The following SMARCA2 variants were observed in gnomAD, a reference collection of about 807,000 sequenced individuals.
SMARCA2 encodes SWI/SNF related BAF chromatin remodeling complex subunit ATPase 2.
In SMARCA2, 61 loss-of-function variants were observed where a neutral mutation model predicts 199.8. The observed-to-expected ratio is 0.31, with a 90% confidence interval of 0.25 to 0.38. The LOEUF (loss-of-function observed/expected upper bound fraction) is 0.38. Ranked by LOEUF, SMARCA2 falls within the 10% of genes least tolerant of loss-of-function variation. The probability of loss-of-function intolerance (pLI) is 1.00; values close to 1 mark genes in which losing one functional copy is unlikely to be tolerated. For missense variants in SMARCA2, 1,344 were observed against 2,012.2 expected, an observed-to-expected ratio of 0.67 and a Z score of 6.35; for synonymous variants, 935 against 732.0, an observed-to-expected ratio of 1.28 and a Z score of -4.48.
chr9:2,073,425 C>T (rs1010836493), intron 11 of SMARCA2, 83 bp downstream of exon 11: 3 of 1,564,300 alleles, frequency 1.9e-6, no homozygotes, highest in East Asian at 2.3e-5. Flanking sequence ...ACTAAAACTA[C>T]ACAGCCTTTG....
Position 2,171,599 on chromosome 9 carries a change from C to T in SMARCA2, c.4253+1127C>T, listed in dbSNP as rs1018849675. 4.6e-5 allele frequency among the ~76,000 whole-genome samples: 7 copies of T among 152,270 alleles called. No homozygotes were observed. In the South Asian group the frequency reaches 8.3e-4, roughly 18 times the overall value. On this transcript the variant is annotated intron_variant, in intron 29 of 33. Transcript: ENST00000349721. ...ATAAACTATAATGTCCATTGAGAAA[C>T]GTCAGGAATTTTGTTCTGTATTTGC...
intron 29 of SMARCA2, among the ~76,000 whole-genome samples, chr9:2,176,182 G>GTTTTTTTTTTGTTTGTTTTTTTTTTT (rs1554642561): frequency 9.6e-6 from 1 of 104,160 alleles, no homozygotes; most frequent in African/African-American, 3.7e-5. Flanking sequence ...CGCCCGGCCT[G>GTTTTTTTTTTGTTTGTTTTTTTTTTT]TTTTTTTTTT....
At chr9:2,069,263 T>C (rs1032821652) in intron 9 of SMARCA2, among the ~76,000 whole-genome samples, 4 of 151,494 alleles carry the variant, frequency 2.6e-5, no homozygotes, top group Non-Finnish European at 5.9e-5. Context: ...TTGAGGCACA[T>C]AGAAGTTAAT....
chr9:2,068,918 C>T (rs992623527), intron 9 of SMARCA2: 4 of 151,370 alleles, frequency 2.6e-5, no homozygotes, highest in African/African-American at 9.7e-5. Context: ...ATGACATAAC[C>T]TTTTGTTTTT....
At chr9:2,116,098 C>G in intron 25 of SMARCA2, 49 bp downstream of exon 25, 1 of 1,342,938 alleles carries the variant, frequency 7.4e-7, no homozygotes. Context: ...GGCCTTTTGT[C>G]TCTGAAGGAC....
At chr9:2,172,589 A>C (rs1826314875) in intron 29 of SMARCA2, among the ~76,000 whole-genome samples, 1 of 152,086 alleles carries the variant, frequency 6.6e-6, no homozygotes, top group East Asian at 1.9e-4. Context: ...GAGGCTGGAG[A>C]AGCCTGAGAA....
chr9:2,033,344 A>G (rs886301733), intron 3 of SMARCA2, among the ~76,000 whole-genome samples: 9 of 152,332 alleles, frequency 5.9e-5, no homozygotes, highest in Non-Finnish European at 1.3e-4. Flanking sequence ...TACTTTATCT[A>G]GAATCTTTAT....
At chr9:2,128,166 G>A (rs925908860) in intron 27 of SMARCA2, among the ~76,000 whole-genome samples, 7 of 152,174 alleles carry the variant, frequency 4.6e-5, no homozygotes, top group Non-Finnish European at 1.0e-4. Flanking sequence ...GGATAAAGAC[G>A]TGGTGTTTAA....
chr9:2,179,508 T>C (rs1205560822), intron 29 of SMARCA2, among the ~76,000 whole-genome samples: 1 of 152,226 alleles, frequency 6.6e-6, no homozygotes, highest in East Asian at 1.9e-4. Context: ...AGCTCTCTTC[T>C]TTATGAGCAT....
chr9:2,079,923 T>A (rs777210639), intron 14 of SMARCA2: 1 of 152,286 alleles, frequency 6.6e-6, no homozygotes, highest in Non-Finnish European at 1.5e-5. Flanking sequence ...GACTTCCATA[T>A]GTGAGTTTTA....
At chr9:2,067,573 C>T (rs1274894845) in intron 9 of SMARCA2, among the ~76,000 whole-genome samples, 1 of 152,176 alleles carries the variant, frequency 6.6e-6, no homozygotes, top group Non-Finnish European at 1.5e-5. Flanking sequence ...CCCAGTCCTG[C>T]AGAAGCCCTA....
At chr9:2,177,623 G>C (rs776828987) in intron 29 of SMARCA2, among the ~76,000 whole-genome samples, 1 of 152,000 alleles carries the variant, frequency 6.6e-6, no homozygotes, top group Non-Finnish European at 1.5e-5. Flanking sequence ...CGCGATCTCA[G>C]CTCACCACAA....
At chr9:2,181,808 T>C in intron 30 of SMARCA2, 132 bp downstream of exon 30, 1 of 631,680 alleles carries the variant, frequency 1.6e-6, no homozygotes, top group South Asian at 1.9e-5. Context: ...GGTTGGGATG[T>C]CCTTGTGCTT....
intron 1 of SMARCA2, among the ~76,000 whole-genome samples, chr9:2,023,107 C>T (rs927038718): frequency 3.9e-5 from 6 of 152,150 alleles, no homozygotes; most frequent in Non-Finnish European, 8.8e-5. Context: ...CTGGTAGACT[C>T]TTTTGAGATG....
In SMARCA2 at chr9:2,191,491, C is replaced by A. The variant is rs1827881634; in HGVS notation, c.4737+83C>A. The A allele has an allele frequency of 1.7e-5, 25 of 1,459,646 alleles. 1 individual carries two copies. In the South Asian group the frequency reaches 3.0e-4, roughly 18 times the overall value. The allele number at this position is 1,459,646 out of a possible 1,614,324, so 90.4% of individuals were successfully genotyped here. ...TCTTGCATTTCCATGCCCCTTCAGC[C>A]TTTTCGCTTTATTACCCAGGACTGG... On this transcript the variant is annotated intron_variant, in intron 33 of 33. Transcript: ENST00000349721.
At position 2,047,635 on chromosome 9, in the gene SMARCA2, C is replaced by T. The variant is rs10964549; in HGVS notation, c.1046+151C>T. ...CTTTCATCCACTCCTGGGGCCTTCC[C>T]GGTGCTGAGGGGAGGCACCGGGGTT... On this transcript the variant is annotated intron_variant, in intron 5 of 33. Coordinates refer to ENST00000349721, the MANE Select transcript of SMARCA2 (RefSeq NM_003070.5). 4.8e-3 allele frequency: 4,625 copies of T among 972,462 alleles called. 16 individuals are homozygous for T. The highest frequency in any genetic ancestry group is 5.4e-3 in the Non-Finnish European group (4,090 of 751,302). The allele number at this position is 972,462 out of a possible 1,614,324, so 60.2% of individuals were successfully genotyped here. A position where few individuals can be genotyped will look rare whatever the true frequency, so the allele number is the denominator to read the frequency against.
chr9:2,029,273 C>T (rs764320616), intron 2 of SMARCA2, 26 bp downstream of exon 2: 1 of 1,590,840 alleles, frequency 6.3e-7, no homozygotes, highest in African/African-American at 1.3e-5. Flanking sequence ...CCCATTCAAA[C>T]TCAACTTCTG....
intron 9 of SMARCA2, among the ~76,000 whole-genome samples, chr9:2,062,084 G>A (rs1820618708): frequency 1.3e-5 from 2 of 152,148 alleles, no homozygotes; most frequent in South Asian, 4.1e-4. Flanking sequence ...CAGAGTTAGT[G>A]AGGAACATAT....
chr9:2,069,482 A>C (rs375304109), intron 9 of SMARCA2, among the ~76,000 whole-genome samples: 115 of 151,112 alleles, frequency 7.6e-4, no homozygotes, highest in South Asian at 2.5e-3. Flanking sequence ...TGGCGTGAAC[A>C]CGGGAGGCGG....
Sources: allele counts gnomAD v4.1 joint callset (sites outside exome capture counted in the v4.1 genomes callset), GRCh38; gene constraint gnomAD v4.1.1; transcripts MANE v1.5; gene names NCBI Gene and HGNC (gene_info 2026-07-23, HGNC 2026-07-21).